The following CACNA1C variants were observed in gnomAD, a reference collection of about 807,000 sequenced individuals.
The protein encoded by CACNA1C is calcium voltage-gated channel subunit alpha1 C.
In CACNA1C, 30 loss-of-function variants were observed where a neutral mutation model predicts 229.0. The ratio of observed to expected loss-of-function variants is 0.13; its 90% CI spans 0.10 to 0.18. The LOEUF (loss-of-function observed/expected upper bound fraction) is 0.18. CACNA1C is among the 10% of genes least tolerant of loss of function. CACNA1C has a pLI of 1.00. For missense variants in CACNA1C, 1,658 were observed against 2,845.0 expected (o/e 0.58, Z 9.49); for synonymous variants, 1,114 against 1,132.5 (o/e 0.98, Z 0.33).
chr12:2,079,096 A>C (rs1364789027), intron 1 of CACNA1C, among the ~76,000 whole-genome samples: 1 of 140,090 alleles, frequency 7.1e-6, no homozygotes, highest in Non-Finnish European at 1.5e-5. Flanking sequence ...ACATGGACAC[A>C]AGAAGGGGTA....
Position 2,585,229 on chromosome 12 carries a change from G to A in CACNA1C, c.2340-147G>A. 1.5e-6 allele frequency: 1 copy of A among 683,092 alleles called. No individual in the cohort carries two copies. Among genetic ancestry groups the A allele is most frequent in the Non-Finnish European group, 2.3e-6 (1 of 439,942 alleles). 42.3% of individuals were successfully genotyped at this position (683,092 alleles called of 1,614,324 possible). Reference sequence around the variant, plus strand: ...GCACTTGTGACTGAGCTGCACACGAGAAGCGTCCTGGAGAAAGGAAGATGG... The same window carrying A: ...GCACTTGTGACTGAGCTGCACACGAAAAGCGTCCTGGAGAAAGGAAGATGG... On this transcript the variant is annotated intron_variant, in intron 16 of 46. Transcript: ENST00000399655. The surrounding 1 kb of genome is among the most constrained non-coding windows in gnomAD (Gnocchi z 4.1).
chr12:2,213,812 C>T (rs1431776657), intron 3 of CACNA1C, among the ~76,000 whole-genome samples: 1 of 152,270 alleles, frequency 6.6e-6, no homozygotes, highest in Non-Finnish European at 1.5e-5. Flanking sequence ...CCTCTCTTCA[C>T]GGATGGGCTG....
At position 2,029,163 on chromosome 12, in the gene CACNA1C, C is replaced by G. The variant is rs1340280579; in HGVS notation, c.139+57962C>G. On this transcript the variant is annotated intron_variant, in intron 1 of 46. Transcript: ENST00000682462. This position sits in a 1 kb window ranked among gnomAD's most constrained non-coding sequence, Gnocchi z 4.9. ...TCTTAAGGGGCTTTTTCCAAAAGGGCAGGGGGCAGGGAAGGAGAGACTCCT... is the reference window on the plus strand; with the variant it reads ...TCTTAAGGGGCTTTTTCCAAAAGGGGAGGGGGCAGGGAAGGAGAGACTCCT... Among the ~76,000 whole-genome samples the G allele has an allele frequency of 6.6e-6, 1 of 152,146 alleles. No homozygotes were observed. Among genetic ancestry groups the G allele is most frequent in the Non-Finnish European group, 1.5e-5 (1 of 68,022 alleles).
intron 29 of CACNA1C, among the ~76,000 whole-genome samples, chr12:2,631,474 T>C (rs1173292892): frequency 1.3e-5 from 2 of 152,216 alleles, no homozygotes; most frequent in Non-Finnish European, 2.9e-5. Flanking sequence ...AAATCTAATT[T>C]TAAGTCTTAT....
chr12:2,069,193 C>T (rs1008201951), intron 1 of CACNA1C, among the ~76,000 whole-genome samples: 6 of 152,204 alleles, frequency 3.9e-5, no homozygotes, highest in African/African-American at 7.2e-5. Context: ...CAATCCCATG[C>T]GTCCTTGGCC....
intron 1 of CACNA1C, among the ~76,000 whole-genome samples, chr12:2,063,259 C>G (rs1411386414): frequency 6.6e-6 from 1 of 151,690 alleles, no homozygotes; most frequent in African/African-American, 2.4e-5. Context: ...TCAAGCGATT[C>G]TCCTGCCTCA....
intron 3 of CACNA1C, among the ~76,000 whole-genome samples, chr12:2,343,359 T>C (rs1281839026): frequency 6.6e-6 from 1 of 152,134 alleles, no homozygotes; most frequent in Non-Finnish European, 1.5e-5. Flanking sequence ...CTGTCTGAAG[T>C]GTAAGCAAGG....
chr12:2,549,852 C>G (rs772903078), intron 9 of CACNA1C, 91 bp from the exon 10 acceptor site: 34 of 897,572 alleles, frequency 3.8e-5, no homozygotes, highest in Non-Finnish European at 6.1e-5. Flanking sequence ...CGCACTGGGT[C>G]TTGCGGTGGG....
intron 3 of CACNA1C, among the ~76,000 whole-genome samples, chr12:2,351,040 C>T (rs2097188475): frequency 6.6e-6 from 1 of 152,254 alleles, no homozygotes; most frequent in South Asian, 2.1e-4. Context: ...TTCCCTCGGG[C>T]CCCTTCTGAA....
intron 1 of CACNA1C, among the ~76,000 whole-genome samples, chr12:2,036,080 C>A (rs1216457972): frequency 2.6e-5 from 4 of 152,128 alleles, no homozygotes; most frequent in Admixed American, 2.0e-4. Context: ...AGGGATGGTT[C>A]CCAAGGACTT....
chr12:2,186,094 A>G (rs1431433559), intron 3 of CACNA1C, among the ~76,000 whole-genome samples: 2 of 151,934 alleles, frequency 1.3e-5, no homozygotes, highest in Admixed American at 6.6e-5. Flanking sequence ...TGCCTCCACT[A>G]CGGGCTGTGG....
chr12:2,428,643 A>G (rs926099874), intron 3 of CACNA1C, among the ~76,000 whole-genome samples: 2 of 152,128 alleles, frequency 1.3e-5, no homozygotes, highest in South Asian at 2.1e-4. Flanking sequence ...CCTGCTACCT[A>G]CTTATCTGTG....
chr12:2,362,565 T>A (rs1254398576), intron 3 of CACNA1C, among the ~76,000 whole-genome samples: 1 of 152,146 alleles, frequency 6.6e-6, no homozygotes, highest in South Asian at 2.1e-4. Flanking sequence ...CCTGCTGGGG[T>A]GCATGTGTGT....
chr12:2,090,678 G>C (rs1388989458), intron 1 of CACNA1C, among the ~76,000 whole-genome samples: 1 of 152,210 alleles, frequency 6.6e-6, no homozygotes, highest in African/African-American at 2.4e-5. Context: ...ACTTGTTATT[G>C]TGAATAGTAC....
intron 1 of CACNA1C, among the ~76,000 whole-genome samples, chr12:2,063,621 G>A (rs1013213873): frequency 4.6e-5 from 7 of 152,130 alleles, no homozygotes; most frequent in South Asian, 2.1e-4. Flanking sequence ...GGGATTAAGC[G>A]TTTTCTTTCA....
At chr12:2,123,920 C>T (rs2088441478) in intron 3 of CACNA1C, among the ~76,000 whole-genome samples, 1 of 152,122 alleles carries the variant, frequency 6.6e-6, no homozygotes. Flanking sequence ...ATATGTAAAG[C>T]CCTTAGGAGA....
At chr12:2,672,174 G>C (rs1358910152) in intron 38 of CACNA1C, 2 of 152,102 alleles carry the variant, frequency 1.3e-5, no homozygotes, top group African/African-American at 2.4e-5. Flanking sequence ...CCAAGCCAAA[G>C]AAGCTTCTCT....
At chr12:2,018,443 A>G (rs2045800956) in intron 1 of CACNA1C, among the ~76,000 whole-genome samples, 1 of 152,340 alleles carries the variant, frequency 6.6e-6, no homozygotes, top group South Asian at 2.1e-4. Flanking sequence ...CTGAAAATTT[A>G]ACAATATTCT....
chr12:2,337,056 C>T (rs560525773), intron 3 of CACNA1C, among the ~76,000 whole-genome samples: 3 of 152,322 alleles, frequency 2.0e-5, no homozygotes, highest in South Asian at 2.1e-4. Flanking sequence ...AAGCTGGCTA[C>T]GTCCTCGGTC....
Sources: allele counts gnomAD v4.1 joint callset (sites outside exome capture counted in the v4.1 genomes callset), GRCh38; gene constraint gnomAD v4.1.1; non-coding constraint Gnocchi (gnomAD v3.1); transcripts MANE v1.5; gene names NCBI Gene and HGNC (gene_info 2026-07-23, HGNC 2026-07-21).